The following CNTNAP2 variants were observed in gnomAD, a reference collection of about 807,000 sequenced individuals.
CNTNAP2 encodes contactin-associated protein-like 2.
In CNTNAP2, 98 loss-of-function variants were observed where a neutral mutation model predicts 155.2. That is an observed-to-expected ratio of 0.63 (90% CI 0.54 to 0.75). The LOEUF (loss-of-function observed/expected upper bound fraction) is 0.75, where lower values mean the gene tolerates loss of function less well. CNTNAP2 is among the 30% of genes least tolerant of loss of function. The probability of loss-of-function intolerance (pLI) is 0.00; values close to 1 mark genes in which losing one functional copy is unlikely to be tolerated. For synonymous variants in CNTNAP2, 651 were observed against 631.2 expected (o/e 1.03, Z -0.47); for missense variants, 1,727 against 1,688.1 (o/e 1.02, Z -0.40).
Position 146,435,834 on chromosome 7 carries a change from GTTAGGAAATGGAGT to G in CNTNAP2, c.97+318862_97+318875del, listed in dbSNP as rs768273282. Among the ~76,000 whole-genome samples, 1,015 of 152,252 alleles carry G rather than the reference GTTAGGAAATGGAGT, an allele frequency of 6.7e-3. 13 individuals are homozygous for G. The highest frequency in any genetic ancestry group is 0.038 in the South Asian group (183 of 4,832). Reference sequence around the variant, plus strand: ...GCTATCATATATTTTAAAGAGTTAAGTTAGGAAATGGAGTCAATTCTCAACAGGAGCTTATCTGC... The same window carrying G: ...GCTATCATATATTTTAAAGAGTTAAGCAATTCTCAACAGGAGCTTATCTGC... On this transcript the variant is annotated intron_variant, in intron 1 of 23. Transcript: ENST00000361727.
chr7:147,507,139 C>T (rs1419568267), intron 11 of CNTNAP2, among the ~76,000 whole-genome samples: 1 of 152,128 alleles, frequency 6.6e-6, no homozygotes, highest in African/African-American at 2.4e-5. Context: ...CCCAGGACTG[C>T]ACACTCTCTC....
chr7:148,415,151 T>C (rs1257362168), intron 23 of CNTNAP2, among the ~76,000 whole-genome samples: 1 of 152,232 alleles, frequency 6.6e-6, no homozygotes, highest in Non-Finnish European at 1.5e-5. Context: ...CTGCCTGTTT[T>C]CTAATGTCTG....
At chr7:146,559,974 T>G (rs375940786) in intron 1 of CNTNAP2, among the ~76,000 whole-genome samples, 3 of 152,338 alleles carry the variant, frequency 2.0e-5, no homozygotes, top group East Asian at 3.9e-4. Flanking sequence ...AATTATAATT[T>G]TAGCCATTTT....
chr7:147,065,441 G>A (rs1394066485), intron 4 of CNTNAP2, among the ~76,000 whole-genome samples: 2 of 152,132 alleles, frequency 1.3e-5, no homozygotes, highest in African/African-American at 4.8e-5. Context: ...TTGGGGCAGT[G>A]TAATTCTTAA....
At chr7:146,766,603 T>C (rs1802199179) in intron 1 of CNTNAP2, among the ~76,000 whole-genome samples, 1 of 152,316 alleles carries the variant, frequency 6.6e-6, no homozygotes, top group South Asian at 2.1e-4. Flanking sequence ...CCTTTAGCTG[T>C]GAGATCTGAA....
At chr7:147,294,527 G>A (rs1030245988) in intron 8 of CNTNAP2, among the ~76,000 whole-genome samples, 3 of 152,120 alleles carry the variant, frequency 2.0e-5, no homozygotes, top group African/African-American at 7.2e-5. Context: ...TGGCTAAGAT[G>A]CATTTTTTAG....
chr7:147,715,691 A>G (rs1347313483), intron 13 of CNTNAP2, among the ~76,000 whole-genome samples: 1 of 151,046 alleles, frequency 6.6e-6, no homozygotes, highest in African/African-American at 2.4e-5. Context: ...CTTTTTTTTT[A>G]TTTTGATGAG....
intron 1 of CNTNAP2, among the ~76,000 whole-genome samples, chr7:146,422,860 A>C (rs539729039): frequency 6.6e-6 from 1 of 152,116 alleles, no homozygotes. Context: ...ACTTTAGCAA[A>C]AAATTAATTA....
chr7:147,989,827 A>G (rs1409029544), intron 15 of CNTNAP2, among the ~76,000 whole-genome samples: 1 of 152,194 alleles, frequency 6.6e-6, no homozygotes. Context: ...CTCAGCTGAC[A>G]TAGCCACTCA....
intron 14 of CNTNAP2, among the ~76,000 whole-genome samples, chr7:147,945,610 C>T (rs1348783528): frequency 2.6e-5 from 4 of 151,758 alleles, no homozygotes; most frequent in Admixed American, 2.6e-4. Flanking sequence ...ATTTATGTAA[C>T]CCTGTCATCA....
At chr7:146,205,370 CAA>C (rs1421513004) in intron 1 of CNTNAP2, among the ~76,000 whole-genome samples, 3 of 151,832 alleles carry the variant, frequency 2.0e-5, no homozygotes, top group Admixed American at 2.0e-4. Context: ...TATTCTGAGT[CAA>C]AGACTATTCT....
At chr7:148,373,823 A>C (rs1798933047) in intron 21 of CNTNAP2, among the ~76,000 whole-genome samples, 1 of 152,186 alleles carries the variant, frequency 6.6e-6, no homozygotes, top group Non-Finnish European at 1.5e-5. Context: ...GACAGGAAGA[A>C]GTATCCAAAG....
At chr7:147,618,127 G>T (rs532501642) in intron 12 of CNTNAP2, among the ~76,000 whole-genome samples, 3 of 152,196 alleles carry the variant, frequency 2.0e-5, no homozygotes, top group South Asian at 4.1e-4. Context: ...TATAGAAAAT[G>T]GAATTTATTC....
At position 147,341,507 on chromosome 7, in the gene CNTNAP2, TTGTC is replaced by T. The variant is rs1795763033; in HGVS notation, c.1498+41220_1498+41223del. Among the ~76,000 whole-genome samples the T allele has an allele frequency of 2.6e-5, 4 of 152,148 alleles. No individual in the cohort carries two copies. In the South Asian group the frequency reaches 8.3e-4, roughly 32 times the overall value. On this transcript the variant is annotated intron_variant, in intron 9 of 23. Coordinates refer to ENST00000361727, the MANE Select transcript of CNTNAP2 (RefSeq NM_014141.6). ...GTGAATAAATAGATTAAAAATGGAA[TTGTC>T]TGAGAAGTTGGTTGAACTTCTTATG... is the stretch of plus-strand genomic sequence containing the variant.
chr7:147,346,594 G>A (rs1052419519), intron 9 of CNTNAP2, among the ~76,000 whole-genome samples: 1 of 152,218 alleles, frequency 6.6e-6, no homozygotes, highest in Non-Finnish European at 1.5e-5. Flanking sequence ...ACATGCAAAT[G>A]AGTTGTGTGA....
chr7:148,166,466 A>C (rs1334226093), intron 17 of CNTNAP2, among the ~76,000 whole-genome samples: 2 of 150,260 alleles, frequency 1.3e-5, no homozygotes, highest in African/African-American at 5.0e-5. Context: ...GCTCTTTATT[A>C]AGTTCTGAAT....
chr7:148,205,287 A>G (rs985225984), intron 18 of CNTNAP2, among the ~76,000 whole-genome samples: 2 of 152,252 alleles, frequency 1.3e-5, no homozygotes, highest in Admixed American at 6.5e-5. Context: ...GGTGTGTGCA[A>G]CAGGCACAAA....
intron 21 of CNTNAP2, among the ~76,000 whole-genome samples, chr7:148,322,144 A>G (rs1797799927): frequency 6.6e-6 from 1 of 151,940 alleles, no homozygotes; most frequent in Non-Finnish European, 1.5e-5. Context: ...GCTGCTCTCG[A>G]ACTCCTAACC....
At chr7:148,255,492 G>A (rs1411005510) in intron 20 of CNTNAP2, among the ~76,000 whole-genome samples, 1 of 152,150 alleles carries the variant, frequency 6.6e-6, no homozygotes, top group Non-Finnish European at 1.5e-5. Context: ...TTTCCAGTAG[G>A]TGGAGTATTA....
Sources: allele counts gnomAD v4.1 joint callset (sites outside exome capture counted in the v4.1 genomes callset), GRCh38; gene constraint gnomAD v4.1.1; transcripts MANE v1.5; gene names NCBI Gene and HGNC (gene_info 2026-07-23, HGNC 2026-07-21).